CLIC4: variants seen among roughly 807,000 people sequenced by gnomAD.
CLIC4 encodes the protein chloride intracellular channel protein 4.
A neutral mutation model predicts 24.6 loss-of-function variants in CLIC4; 13 were observed. The ratio of observed to expected loss-of-function variants is 0.53; its 90% CI spans 0.34 to 0.84. CLIC4 has a LOEUF of 0.84. Ranked by LOEUF, CLIC4 falls within the 40% of genes least tolerant of loss-of-function variation. The pLI is 0.01. For synonymous variants in CLIC4, 104 were observed against 111.3 expected, an observed-to-expected ratio of 0.93 and a Z score of 0.41; for missense variants, 227 against 301.7, an observed-to-expected ratio of 0.75 and a Z score of 1.83.
chr1:24,800,824 G>A (rs1294614898), intron 2 of CLIC4, among the ~76,000 whole-genome samples: 2 of 152,098 alleles, frequency 1.3e-5, no homozygotes, highest in Non-Finnish European at 2.9e-5. Context: ...AATGGATTAA[G>A]GGTGGTGCAA....
intron 1 of CLIC4, among the ~76,000 whole-genome samples, chr1:24,765,815 C>CTTTTTTTTTT (rs34506030): frequency 7.4e-6 from 1 of 135,384 alleles, no homozygotes; most frequent in Non-Finnish European, 1.5e-5. Flanking sequence ...TTCTTTCTTT[C>CTTTTTTTTTT]TTTTTTTTTT....
intron 1 of CLIC4, among the ~76,000 whole-genome samples, chr1:24,747,533 CAAAAAAA>C (rs35626709): frequency 1.1e-5 from 1 of 92,700 alleles, no homozygotes; most frequent in Non-Finnish European, 2.0e-5. Context: ...GACTCCATCT[CAAAAAAA>C]AAAAAAAAAA....
At chr1:24,799,044 T>G (rs1453026006) in intron 2 of CLIC4, among the ~76,000 whole-genome samples, 1 of 152,210 alleles carries the variant, frequency 6.6e-6, no homozygotes, top group Non-Finnish European at 1.5e-5. Context: ...GTGCCGAGAT[T>G]GCAGCCTCTG....
chr1:24,769,578 C>T (rs780307403), intron 1 of CLIC4, among the ~76,000 whole-genome samples: 1 of 152,082 alleles, frequency 6.6e-6, no homozygotes, highest in East Asian at 1.9e-4. Context: ...TTATTTGAAA[C>T]TTGAATGCTT....
chr1:24,818,823 AAAG>A (rs1639697359), intron 3 of CLIC4, among the ~76,000 whole-genome samples: 1 of 152,058 alleles, frequency 6.6e-6, no homozygotes, highest in Non-Finnish European at 1.5e-5. Flanking sequence ...AAAAAAAAAA[AAAG>A]AAAAAAGATG....
At chr1:24,836,134 G>A (rs567351411) in intron 4 of CLIC4, among the ~76,000 whole-genome samples, 12 of 152,290 alleles carry the variant, frequency 7.9e-5, no homozygotes, top group South Asian at 6.2e-4. Flanking sequence ...ATAATGAAGC[G>A]TGTTCCAGAC....
intron 3 of CLIC4, among the ~76,000 whole-genome samples, chr1:24,819,755 T>C (rs1165878491): frequency 6.9e-6 from 1 of 145,688 alleles, no homozygotes; most frequent in Non-Finnish European, 1.5e-5. Context: ...TTTTTTCTTT[T>C]TTTTTTGACA....
intron 1 of CLIC4, among the ~76,000 whole-genome samples, chr1:24,758,546 C>T (rs1003594397): frequency 8.5e-5 from 13 of 152,074 alleles, no homozygotes; most frequent in African/African-American, 3.1e-4. Context: ...CAACCTCCAC[C>T]TCCTGGTTCA....
At chr1:24,819,763 A>T (rs1240718646) in intron 3 of CLIC4, among the ~76,000 whole-genome samples, 1 of 125,252 alleles carries the variant, frequency 8.0e-6, no homozygotes, top group African/African-American at 3.1e-5. Flanking sequence ...TTTTTTTTTG[A>T]CAGAGTCTCT....
intron 1 of CLIC4, among the ~76,000 whole-genome samples, chr1:24,766,863 A>T (rs1425167168): frequency 6.6e-6 from 1 of 151,596 alleles, no homozygotes; most frequent in Non-Finnish European, 1.5e-5. Flanking sequence ...CATTTGAATT[A>T]ATATTTCAAG....
At chr1:24,839,521 G>A (rs1214905303) in intron 4 of CLIC4, among the ~76,000 whole-genome samples, 2 of 152,016 alleles carry the variant, frequency 1.3e-5, no homozygotes, top group Admixed American at 6.6e-5. Flanking sequence ...GGATGGTCTC[G>A]ATCTCCTGAC....
intron 2 of CLIC4, among the ~76,000 whole-genome samples, chr1:24,806,895 G>A (rs916886857): frequency 6.6e-6 from 1 of 152,198 alleles, no homozygotes; most frequent in Non-Finnish European, 1.5e-5. Context: ...TAGTCATGTA[G>A]CTGGTAAATG....
intron 1 of CLIC4, among the ~76,000 whole-genome samples, chr1:24,760,839 T>A (rs1438782436): frequency 1.3e-5 from 2 of 151,892 alleles, no homozygotes; most frequent in African/African-American, 4.8e-5. Flanking sequence ...TTGAAGTAGG[T>A]TAAGGAGTAT....
intron 1 of CLIC4, among the ~76,000 whole-genome samples, chr1:24,768,903 C>CAAAA: frequency 9.3e-6 from 1 of 107,300 alleles, no homozygotes; most frequent in Non-Finnish European, 1.9e-5. Context: ...TCTGCCTCAC[C>CAAAA]AAAAAAAAAA....
chr1:24,824,516 C>T (rs1412361013), intron 3 of CLIC4, among the ~76,000 whole-genome samples: 1 of 152,142 alleles, frequency 6.6e-6, no homozygotes, highest in Non-Finnish European at 1.5e-5. Context: ...GATCCGCCCA[C>T]CTTGGCATCC....
intron 4 of CLIC4, among the ~76,000 whole-genome samples, chr1:24,838,309 A>G (rs1639905922): frequency 6.6e-6 from 1 of 152,176 alleles, no homozygotes; most frequent in African/African-American, 2.4e-5. Flanking sequence ...TTTGTTGAAT[A>G]CATCTTCCCC....
chr1:24,784,960 C>G (rs1359654044), intron 1 of CLIC4, among the ~76,000 whole-genome samples: 3 of 147,402 alleles, frequency 2.0e-5, no homozygotes, highest in African/African-American at 5.0e-5. Context: ...GCCAAGATCG[C>G]GCCACTGCAC....
chr1:24,814,927 C>T lies in CLIC4; in HGVS notation c.308+708C>T, dbSNP rs114156547. ...TTCTTACTGGTTAACTTGACTGTTG[C>T]CCTCCATGTCCAGATATATTTTCCA... On this transcript the variant is annotated intron_variant, in intron 3 of 5. Transcript: ENST00000374379. Among the ~76,000 whole-genome samples, 861 of 152,192 alleles carry T rather than the reference C, an allele frequency of 5.7e-3. 10 individuals carry two copies. The highest frequency in any genetic ancestry group is 0.02 in the African/African-American group (831 of 41,520).
At chr1:24,751,389 T>C (rs2124077331) in intron 1 of CLIC4, among the ~76,000 whole-genome samples, 1 of 152,130 alleles carries the variant, frequency 6.6e-6, no homozygotes, top group African/African-American at 2.4e-5. Flanking sequence ...TTTTGTATTT[T>C]TAGTAGAGAT....
Sources: gnomAD v4.1 joint callset for allele counts (sites outside exome capture counted in the v4.1 genomes callset) on GRCh38, gnomAD v4.1.1 for gene constraint, MANE v1.5 for transcripts, NCBI Gene and HGNC (gene_info 2026-07-23, HGNC 2026-07-21) for gene names.